The following RNF130 variants were observed in gnomAD, a reference collection of about 807,000 sequenced individuals.
RNF130 encodes E3 ubiquitin-protein ligase RNF130.
RNF130 carries 21 observed loss-of-function variants against 44.6 expected under a neutral mutation model. That is an observed-to-expected ratio of 0.47 (90% CI 0.33 to 0.68). The LOEUF (loss-of-function observed/expected upper bound fraction) is 0.68, where lower values mean the gene tolerates loss of function less well. Ranked by LOEUF, RNF130 falls within the 30% of genes least tolerant of loss-of-function variation. RNF130 has a pLI of 0.02. For synonymous variants in RNF130, 214 were observed against 210.4 expected (o/e 1.02, Z -0.15); for missense variants, 479 against 560.6 (o/e 0.85, Z 1.47).
At chr5:179,962,371 TAC>T (rs1762351955) in intron 8 of RNF130, among the ~76,000 whole-genome samples, 1 of 152,186 alleles carries the variant, frequency 6.6e-6, no homozygotes, top group Non-Finnish European at 1.5e-5. Context: ...AGATGTCAAT[TAC>T]AGTTTCTATA....
intron 7 of RNF130, among the ~76,000 whole-genome samples, chr5:179,934,888 T>C (rs2113678701): frequency 6.6e-6 from 1 of 152,274 alleles, no homozygotes; most frequent in South Asian, 2.1e-4. Context: ...TGTTTTCCAT[T>C]GAATTTAGGT....
chr5:180,028,352 T>C (rs1764041494), intron 2 of RNF130, among the ~76,000 whole-genome samples: 1 of 152,186 alleles, frequency 6.6e-6, no homozygotes, highest in African/African-American at 2.4e-5. Context: ...AAAAAACAAT[T>C]AGCATATAGA....
At chr5:179,964,358 G>C (rs1333540079) in intron 7 of RNF130, 1 of 152,174 alleles carries the variant, frequency 6.6e-6, no homozygotes, top group Non-Finnish European at 1.5e-5. Flanking sequence ...AGCCTATGTT[G>C]TCAAGGTAAC....
chr5:179,970,078 C>A (rs1762545859), intron 6 of RNF130, among the ~76,000 whole-genome samples: 1 of 152,022 alleles, frequency 6.6e-6, no homozygotes, highest in Non-Finnish European at 1.5e-5. Flanking sequence ...CTGCTTGAAC[C>A]CAGGAGTTCG....
At chr5:179,921,691 G>A (rs903082178) in intron 7 of RNF130, among the ~76,000 whole-genome samples, 7 of 152,174 alleles carry the variant, frequency 4.6e-5, no homozygotes, top group Admixed American at 4.6e-4. Context: ...CAGCTACTTG[G>A]GAGGCTGAGG....
intron 1 of RNF130, among the ~76,000 whole-genome samples, chr5:180,067,488 G>C (rs1451167533): frequency 6.6e-6 from 1 of 152,180 alleles, no homozygotes; most frequent in Non-Finnish European, 1.5e-5. Context: ...GAGAAATGGG[G>C]TGGTAGCAGG....
At chr5:179,936,265 A>G (rs1489988035) in intron 7 of RNF130, among the ~76,000 whole-genome samples, 1 of 152,126 alleles carries the variant, frequency 6.6e-6, no homozygotes, top group Admixed American at 6.6e-5. Context: ...GACTACAGGT[A>G]ATTAAAAAAA....
chr5:180,049,476 T>C (rs867276618), intron 1 of RNF130, among the ~76,000 whole-genome samples: 7 of 152,350 alleles, frequency 4.6e-5, no homozygotes, highest in South Asian at 2.1e-4. Flanking sequence ...AGCAACCACA[T>C]TACAGTTATT....
At chr5:180,045,298 CTT>C (rs1221034264) in intron 1 of RNF130, among the ~76,000 whole-genome samples, 35 of 152,182 alleles carry the variant, frequency 2.3e-4, no homozygotes, top group Admixed American at 2.3e-3. Context: ...GTCTTGCTGA[CTT>C]CAAGAAGGAA....
chr5:179,989,335 G>A (rs549043966), intron 3 of RNF130, among the ~76,000 whole-genome samples: 69 of 152,210 alleles, frequency 4.5e-4, no homozygotes, highest in African/African-American at 1.6e-3. Context: ...CAGCCAAATC[G>A]TATCAGCCGG....
intron 7 of RNF130, among the ~76,000 whole-genome samples, chr5:179,922,697 G>C (rs1163679496): frequency 2.8e-4 from 42 of 151,812 alleles, no homozygotes; most frequent in Admixed American, 2.8e-3. Flanking sequence ...CAGCACTTTG[G>C]GAGGCTGAGC....
At chr5:179,938,952 G>T (rs1455562611) in intron 7 of RNF130, among the ~76,000 whole-genome samples, 2 of 152,262 alleles carry the variant, frequency 1.3e-5, no homozygotes, top group South Asian at 4.1e-4. Context: ...CACAGGCCGG[G>T]CACAGCAGCT....
Position 180,040,474 on chromosome 5 carries a change from G to T in RNF130, c.421C>A (p.Pro141Thr), listed in dbSNP as rs962406108. 1 of 1,612,714 alleles carries T rather than the reference G, an allele frequency of 6.2e-7. No individual in the cohort carries two copies. The highest frequency in any genetic ancestry group is 1.7e-5 in the Admixed American group (1 of 59,782). ...VIYNNKSKEE[P>T]VTMTHPGTGD... ...TTACCTGGATGAGTCATGGTAACTGGCTCCTCTTTGGATTTATTATTGTAG... is the reference window on the plus strand; with the variant it reads ...TTACCTGGATGAGTCATGGTAACTGTCTCCTCTTTGGATTTATTATTGTAG... The change falls in exon 2 of 9, where the codon CCA becomes ACA. Residue 141 changes from proline to threonine, a missense_variant. Physicochemically the swap from Pro to Thr is conservative, Grantham distance 38. Coordinates refer to ENST00000521389, the MANE Select transcript of RNF130 (RefSeq NM_018434.6).
chr5:180,028,387 A>T (rs1041350583), intron 2 of RNF130, among the ~76,000 whole-genome samples: 1 of 152,174 alleles, frequency 6.6e-6, no homozygotes, highest in Non-Finnish European at 1.5e-5. Context: ...CTCTACTTGC[A>T]GTTACCTGAT....
intron 7 of RNF130, among the ~76,000 whole-genome samples, chr5:179,920,753 C>T (rs911462287): frequency 2.0e-5 from 3 of 150,242 alleles, no homozygotes; most frequent in African/African-American, 7.4e-5. Context: ...GACTGCCCCC[C>T]AGCCCTCTCA....
chr5:179,976,691 A>G (rs1762722168), intron 5 of RNF130: 1 of 145,088 alleles, frequency 6.9e-6, no homozygotes, highest in African/African-American at 2.5e-5. Context: ...CTTCAGTTTG[A>G]TTTTTTTTTT....
At chr5:179,938,159 C>T (rs77130801) in intron 7 of RNF130, among the ~76,000 whole-genome samples, 1 of 151,932 alleles carries the variant, frequency 6.6e-6, no homozygotes, top group African/African-American at 2.4e-5. Context: ...GGTTTTGCCA[C>T]GTTGCCCAGG....
intron 2 of RNF130, chr5:180,015,284 C>CG (rs1561693057): frequency 2.0e-6 from 1 of 501,272 alleles, no homozygotes. Context: ...TGTTGTTCAA[C>CG]GGGCCATGAT....
At chr5:179,969,697 C>G (rs1244530801) in intron 6 of RNF130, among the ~76,000 whole-genome samples, 2 of 150,942 alleles carry the variant, frequency 1.3e-5, no homozygotes, top group Non-Finnish European at 3.0e-5. Context: ...CTCTTCAAAA[C>G]ATAAAAAAGT....
Sources: allele counts gnomAD v4.1 joint callset (sites outside exome capture counted in the v4.1 genomes callset), GRCh38; gene constraint gnomAD v4.1.1; transcripts MANE v1.5; gene names NCBI Gene and HGNC (gene_info 2026-07-23, HGNC 2026-07-21).